The following CIMAP3 variants were observed in gnomAD, a reference collection of about 807,000 sequenced individuals.
The protein encoded by CIMAP3 is ciliary microtubule-associated protein 3.
At chr1:111,331,673 CT>C in the CIMAP3 span, among the ~76,000 whole-genome samples, 6 of 150,836 alleles carry the variant, frequency 4.0e-5, no homozygotes, top group African/African-American at 1.5e-4. Flanking sequence ...ATTTTAAATT[CT>C]TTTTTGGGGG....
chr1:111,352,073 C>A, the CIMAP3 span: 1 of 152,128 alleles, frequency 6.6e-6, no homozygotes, highest in South Asian at 2.1e-4. Flanking sequence ...CCCCTAGAAC[C>A]TTACAAGTCA....
the CIMAP3 span, among the ~76,000 whole-genome samples, chr1:111,329,545 AT>A: frequency 0.01 from 629 of 61,688 alleles, 9 homozygotes; most frequent in African/African-American, 0.031. Context: ...ATATATATAT[AT>A]ATATATATAT....
chr1:111,333,084 G>A, the CIMAP3 span, among the ~76,000 whole-genome samples: 19,429 of 152,274 alleles, frequency 0.13, 1,359 homozygotes, highest in African/African-American at 0.16. Flanking sequence ...TGGCCTGGGA[G>A]CATGTCAGAT....
chr1:111,334,097 C>T, the CIMAP3 span, among the ~76,000 whole-genome samples: 4 of 152,156 alleles, frequency 2.6e-5, no homozygotes, highest in African/African-American at 9.7e-5. Context: ...TGACATAAAG[C>T]ATATTTCACA....
the CIMAP3 span, chr1:111,346,691 A>C: frequency 6.2e-7 from 1 of 1,611,542 alleles, no homozygotes; most frequent in Non-Finnish European, 8.5e-7. Flanking sequence ...GCTGCCGAGA[A>C]GCCTAGAGTA....
At chr1:111,344,999 T>C in the CIMAP3 span, among the ~76,000 whole-genome samples, 3 of 152,234 alleles carry the variant, frequency 2.0e-5, no homozygotes, top group Admixed American at 6.5e-5. Context: ...TTGTCTACAG[T>C]ATTCAATATG....
the CIMAP3 span, among the ~76,000 whole-genome samples, chr1:111,329,365 T>A: frequency 6.6e-6 from 1 of 151,820 alleles, no homozygotes; most frequent in South Asian, 2.1e-4. Flanking sequence ...GAGTTCTCTG[T>A]ATTTCCTGAA....
chr1:111,341,318 C>T, the CIMAP3 span, among the ~76,000 whole-genome samples: 17 of 152,004 alleles, frequency 1.1e-4, no homozygotes, highest in East Asian at 3.1e-3. Flanking sequence ...TGTAACTAAC[C>T]TGCACATTGT....
At chr1:111,348,054 A>C in the CIMAP3 span, among the ~76,000 whole-genome samples, 19 of 152,334 alleles carry the variant, frequency 1.2e-4, no homozygotes, top group South Asian at 4.1e-4. Context: ...AAACATTCGA[A>C]GCTTGTGTTT....
the CIMAP3 span, among the ~76,000 whole-genome samples, chr1:111,340,945 T>C: frequency 4.6e-5 from 7 of 152,044 alleles, no homozygotes; most frequent in East Asian, 1.2e-3. Context: ...TAGCAAAGAC[T>C]TGGAACCAAC....
chr1:111,345,318 A>G, the CIMAP3 span, among the ~76,000 whole-genome samples: 5 of 152,166 alleles, frequency 3.3e-5, no homozygotes, highest in African/African-American at 4.8e-5. Context: ...CCTCATAACA[A>G]CCTTTTATAT....
the CIMAP3 span, among the ~76,000 whole-genome samples, chr1:111,334,321 T>A: frequency 4.6e-5 from 7 of 152,280 alleles, no homozygotes; most frequent in East Asian, 1.9e-4. Context: ...AGGGCTCCAA[T>A]CATTTACCAG....
At chr1:111,345,547 C>A in the CIMAP3 span, among the ~76,000 whole-genome samples, 3 of 152,204 alleles carry the variant, frequency 2.0e-5, no homozygotes, top group Admixed American at 1.3e-4. Context: ...AGCAAAAATT[C>A]TTCCACAAAT....
the CIMAP3 span, among the ~76,000 whole-genome samples, chr1:111,337,280 C>T: frequency 6.6e-6 from 1 of 152,196 alleles, no homozygotes; most frequent in South Asian, 2.1e-4. Flanking sequence ...TAGGAAGAAA[C>T]TGCATCAACT....
At chr1:111,338,887 C>T in the CIMAP3 span, among the ~76,000 whole-genome samples, 62 of 152,200 alleles carry the variant, frequency 4.1e-4, no homozygotes, top group East Asian at 5.8e-3. Context: ...CAAAGCCTGG[C>T]GGAGACACAA....
At chr1:111,327,693 C>A in the CIMAP3 span, among the ~76,000 whole-genome samples, 1 of 151,994 alleles carries the variant, frequency 6.6e-6, no homozygotes, top group African/African-American at 2.4e-5. Flanking sequence ...TCTGTGGGAT[C>A]GGTTGTAACA....
the CIMAP3 span, chr1:111,348,798 A>C: frequency 1.3e-6 from 1 of 768,290 alleles, no homozygotes; most frequent in Admixed American, 2.9e-5. Flanking sequence ...TGTCTCACAG[A>C]TTTCTGGCAT....
the CIMAP3 span, among the ~76,000 whole-genome samples, chr1:111,329,252 G>A: frequency 1.4e-4 from 21 of 151,964 alleles, no homozygotes; most frequent in Non-Finnish European, 2.5e-4. Context: ...TAGGTGACCT[G>A]ACCTTTCTCT....
the CIMAP3 span, among the ~76,000 whole-genome samples, chr1:111,345,794 T>C: frequency 1.3e-5 from 2 of 152,192 alleles, no homozygotes; most frequent in East Asian, 1.9e-4. Flanking sequence ...TTAATATCCA[T>C]GACAAAGGCA....
Sources: gnomAD v4.1 joint callset for allele counts (sites outside exome capture counted in the v4.1 genomes callset) on GRCh38, gnomAD v4.1.1 for gene constraint, MANE v1.5 for transcripts, NCBI Gene and HGNC (gene_info 2026-07-23, HGNC 2026-07-21) for gene names.